CNTNAP2: variants seen among roughly 807,000 people sequenced by gnomAD.
CNTNAP2 encodes contactin associated protein 2, also known as contactin-associated protein-like 2.
In CNTNAP2, 98 loss-of-function variants were observed where a neutral mutation model predicts 155.2. The ratio of observed to expected loss-of-function variants is 0.63; its 90% confidence interval spans 0.54 to 0.75. The LOEUF (loss-of-function observed/expected upper bound fraction) is 0.75. Ranked by LOEUF, CNTNAP2 falls within the 30% of genes least tolerant of loss-of-function variation. The pLI, the probability that CNTNAP2 is intolerant of heterozygous loss-of-function variation, is 0.00. For synonymous variants in CNTNAP2, 651 were observed against 631.2 expected (o/e 1.03, Z -0.47); for missense variants, 1,727 against 1,688.1 (o/e 1.02, Z -0.40).
intron 22 of CNTNAP2, among the ~76,000 whole-genome samples, chr7:148,389,038 C>G (rs890449265): frequency 3.3e-5 from 5 of 152,164 alleles, no homozygotes; most frequent in Non-Finnish European, 1.5e-5. Context: ...CAGCTGCGTG[C>G]TGGGAGAACC....
intron 11 of CNTNAP2, among the ~76,000 whole-genome samples, chr7:147,523,746 G>T (rs1270852541): frequency 6.6e-6 from 1 of 152,156 alleles, no homozygotes; most frequent in South Asian, 2.1e-4. Flanking sequence ...CAACAGCCAG[G>T]TTCCTGTCTT....
At chr7:147,984,968 A>G (rs1486408404) in intron 15 of CNTNAP2, among the ~76,000 whole-genome samples, 1 of 151,992 alleles carries the variant, frequency 6.6e-6, no homozygotes, top group African/African-American at 2.4e-5. Context: ...CACAAAAATC[A>G]GCTGCGCATG....
At position 148,415,868 on chromosome 7, in the gene CNTNAP2, T is replaced by G. The variant is rs554471074; in HGVS notation, c.*252T>G. ...ATAATACAAAAAATGCTTTTAGAGT[T>G]TAAGCAATGGTTGAAATTTGTAGGT... On this transcript the variant is annotated 3_prime_UTR_variant, in exon 24 of 24. Coordinates refer to ENST00000361727, the MANE Select transcript of CNTNAP2 (RefSeq NM_014141.6). The G allele has an allele frequency of 6.4e-5, 37 of 579,564 alleles. No individual in the cohort carries two copies. In the African/African-American group the frequency reaches 6.7e-4, roughly 11 times the overall value. The allele number at this position is 579,564 out of a possible 1,614,324, so 35.9% of individuals were successfully genotyped here.
chr7:146,266,265 A>T (rs1484985619), intron 1 of CNTNAP2, among the ~76,000 whole-genome samples: 5 of 152,188 alleles, frequency 3.3e-5, no homozygotes, highest in African/African-American at 1.2e-4. Flanking sequence ...CTAGACAGTG[A>T]AGTGTGGAGT....
intron 1 of CNTNAP2, among the ~76,000 whole-genome samples, chr7:146,210,278 C>T (rs1211133936): frequency 6.6e-6 from 1 of 152,132 alleles, no homozygotes; most frequent in Non-Finnish European, 1.5e-5. Flanking sequence ...AGATGATTGT[C>T]TTCCTATTAA....
chr7:146,224,645 T>C (rs1403771630), intron 1 of CNTNAP2, among the ~76,000 whole-genome samples: 2 of 150,654 alleles, frequency 1.3e-5, no homozygotes, highest in African/African-American at 4.9e-5. Context: ...GGTGGGCGCC[T>C]GTAGTCCCAG....
At chr7:147,810,647 TC>T (rs1318055319) in intron 13 of CNTNAP2, among the ~76,000 whole-genome samples, 1 of 152,344 alleles carries the variant, frequency 6.6e-6, no homozygotes, top group Admixed American at 6.5e-5. Context: ...AAAAAAGCAG[TC>T]TTTTCACATT....
rs1050387065 is a variant in CNTNAP2 at position 146,928,603 on chromosome 7, G to A, written c.402+88699G>A. Among the ~76,000 whole-genome samples the A allele has an allele frequency of 6.6e-5, 10 of 152,274 alleles. No homozygotes were observed. In the South Asian group the frequency reaches 8.3e-4, roughly 13 times the overall value. Reference sequence around the variant, plus strand: ...GTGGGTGCAGGACAGTGGGTGCAGCGCACCGTGCACGAGCCGAAGCAGGGC... The same window carrying A: ...GTGGGTGCAGGACAGTGGGTGCAGCACACCGTGCACGAGCCGAAGCAGGGC... On this transcript the variant is annotated intron_variant, in intron 3 of 23. Transcript: ENST00000361727.
chr7:148,033,861 A>G (rs967306522), intron 15 of CNTNAP2, among the ~76,000 whole-genome samples: 3 of 152,200 alleles, frequency 2.0e-5, no homozygotes, highest in Non-Finnish European at 4.4e-5. Flanking sequence ...ACTAGCAGCA[A>G]GCATATTACT....
At chr7:147,236,540 C>A (rs763741284) in intron 8 of CNTNAP2, among the ~76,000 whole-genome samples, 2 of 151,490 alleles carry the variant, frequency 1.3e-5, no homozygotes, top group Non-Finnish European at 2.9e-5. Flanking sequence ...TACTCACTCT[C>A]ACTTGTCGTA....
intron 11 of CNTNAP2, among the ~76,000 whole-genome samples, chr7:147,532,646 T>A (rs1297618437): frequency 6.6e-6 from 1 of 152,182 alleles, no homozygotes; most frequent in African/African-American, 2.4e-5. Context: ...TACCTGACAC[T>A]GGGAAGAAAA....
At chr7:148,171,454 C>T (rs997846500) in intron 17 of CNTNAP2, among the ~76,000 whole-genome samples, 2 of 152,162 alleles carry the variant, frequency 1.3e-5, no homozygotes, top group African/African-American at 4.8e-5. Flanking sequence ...ACTATAGACA[C>T]AATTAAATCC....
intron 8 of CNTNAP2, among the ~76,000 whole-genome samples, chr7:147,215,235 A>ATTTAT (rs768128697): frequency 1.9e-3 from 289 of 152,272 alleles, no homozygotes; most frequent in African/African-American, 6.6e-3. Context: ...TCACATTAAG[A>ATTTAT]TTTATTTTGT....
intron 1 of CNTNAP2, among the ~76,000 whole-genome samples, chr7:146,721,016 T>C (rs1156288880): frequency 1.9e-5 from 2 of 103,026 alleles, no homozygotes; most frequent in African/African-American, 1.6e-4. Flanking sequence ...ATATATACTC[T>C]ATATATTATA....
rs34996621 is a variant in CNTNAP2, at chr7:146,370,260, TAAA to T, written c.97+253314_97+253316del. Among the ~76,000 whole-genome samples the T allele has an allele frequency of 7.7e-3, 674 of 87,570 alleles. 15 individuals are homozygous for T. Among genetic ancestry groups the T allele is most frequent in the African/African-American group, 0.032 (624 of 19,356 alleles). 57.4% of individuals were successfully genotyped at this position (87,570 alleles called of 152,430 possible). ...AATAGGTGAAACCCCATCTCTACTT[TAAA>T]AAAAAAAAAAAAAAAAAAAAAAAAA... On this transcript the variant is annotated intron_variant, in intron 1 of 23. Transcript: ENST00000361727.
chr7:148,018,633 C>T (rs1563168908), intron 15 of CNTNAP2, among the ~76,000 whole-genome samples: 1 of 152,186 alleles, frequency 6.6e-6, no homozygotes, highest in African/African-American at 2.4e-5. Context: ...CTGAAGCATC[C>T]TTTTACTCGG....
At chr7:146,392,999 A>G (rs1228051763) in intron 1 of CNTNAP2, among the ~76,000 whole-genome samples, 1 of 152,206 alleles carries the variant, frequency 6.6e-6, no homozygotes, top group East Asian at 1.9e-4. Flanking sequence ...ACCCAGACCA[A>G]TGACAGCAAA....
intron 11 of CNTNAP2, among the ~76,000 whole-genome samples, chr7:147,543,940 C>T (rs572788372): frequency 2.6e-5 from 4 of 152,104 alleles, no homozygotes; most frequent in Admixed American, 1.3e-4. Context: ...TGATAGCAAA[C>T]AATTGTTATT....
chr7:146,753,915 GA>G (rs1223009195), intron 1 of CNTNAP2, among the ~76,000 whole-genome samples: 2 of 151,904 alleles, frequency 1.3e-5, no homozygotes, highest in Non-Finnish European at 2.9e-5. Context: ...CAACCTATAC[GA>G]AAATAGAAGC....
Sources: allele counts gnomAD v4.1 joint callset (sites outside exome capture counted in the v4.1 genomes callset), GRCh38; gene constraint gnomAD v4.1.1; transcripts MANE v1.5; gene names NCBI Gene and HGNC (gene_info 2026-07-23, HGNC 2026-07-21).